Variants in DIAPH2 observed in about 807,000 individuals in gnomAD.
DIAPH2 encodes protein diaphanous homolog 2.
DIAPH2 carries 35 observed loss-of-function variants against 92.7 expected under a neutral mutation model. The ratio of observed to expected loss-of-function variants is 0.38; its 90% CI spans 0.29 to 0.50. The LOEUF is 0.50. DIAPH2 is among the 20% of genes least tolerant of loss of function. The pLI is 0.94. For synonymous variants in DIAPH2, 301 were observed against 280.4 expected, an observed-to-expected ratio of 1.07 and a Z score of -0.73; for missense variants, 701 against 819.5, an observed-to-expected ratio of 0.86 and a Z score of 1.77.
In DIAPH2 at chrX:97,599,459, C is replaced by CA. The variant is rs201053713; in HGVS notation, c.*143dup. The CA allele has an allele frequency of 8.1e-3, 2,858 of 352,832 alleles. 73 individuals carry two copies. The highest frequency in any genetic ancestry group is 0.067 in the African/African-American group (2,547 of 37,813). The allele number at this position is 352,832 out of a possible 1,213,427, so 29.1% of individuals were successfully genotyped here. On this transcript the variant is annotated 3_prime_UTR_variant, in exon 27 of 27. Coordinates refer to ENST00000324765, the MANE Select transcript of DIAPH2 (RefSeq NM_006729.5). ...AAGATAAGCTGGATGAAGTAGTGTG[C>CA]ATTTGTAATACTATTGCAAGACTCC...
intron 23 of DIAPH2, among the ~76,000 whole-genome samples, chrX:97,277,064 C>T (rs767606233): frequency 1.8e-5 from 2 of 112,313 alleles, no homozygotes; most frequent in African/African-American, 3.2e-5. Flanking sequence ...GGGCTGGGAG[C>T]GGTGGCTCAC....
intron 1 of DIAPH2, among the ~76,000 whole-genome samples, chrX:96,712,260 G>T (rs2063922968): frequency 9.0e-6 from 1 of 110,916 alleles, no homozygotes; most frequent in Admixed American, 9.6e-5. Context: ...AAACGTTGTT[G>T]CTCCTTCTTT....
chrX:96,873,334 T>A (rs1344833429), intron 4 of DIAPH2, among the ~76,000 whole-genome samples: 1 of 111,848 alleles, frequency 8.9e-6, no homozygotes, highest in Non-Finnish European at 1.9e-5. Flanking sequence ...GTTATTAATC[T>A]CTTGTCAGAT....
intron 20 of DIAPH2, among the ~76,000 whole-genome samples, chrX:97,108,988 T>C (rs1337108940): frequency 8.9e-6 from 1 of 111,913 alleles, no homozygotes; most frequent in African/African-American, 3.3e-5. Context: ...TTACATCATG[T>C]CAGTTACTAT....
intron 22 of DIAPH2, among the ~76,000 whole-genome samples, chrX:97,142,583 G>T (rs1293008341): frequency 1.8e-5 from 2 of 111,517 alleles, no homozygotes; most frequent in African/African-American, 6.5e-5. Flanking sequence ...TGAGGAACAG[G>T]ATGTTTGAAA....
intron 26 of DIAPH2, among the ~76,000 whole-genome samples, chrX:97,511,107 G>C (rs1307724369): frequency 2.0e-5 from 2 of 99,646 alleles, no homozygotes; most frequent in African/African-American, 7.2e-5. Flanking sequence ...GGGAAGTATG[G>C]CCATTTTCAC....
intron 25 of DIAPH2, among the ~76,000 whole-genome samples, chrX:97,397,632 T>C (rs772020119): frequency 4.5e-5 from 5 of 112,113 alleles, no homozygotes; most frequent in Non-Finnish European, 9.4e-5. Flanking sequence ...TTGTAATCTG[T>C]AAATCATAGT....
At chrX:97,519,357 T>C (rs5967322) in intron 26 of DIAPH2, among the ~76,000 whole-genome samples, 2 of 111,087 alleles carry the variant, frequency 1.8e-5, no homozygotes, top group Middle Eastern at 4.8e-3. Context: ...TCAAAAAAAA[T>C]TCACATTTAT....
chrX:96,945,711 T>C (rs2147807123), intron 14 of DIAPH2, 120 bp downstream of exon 14: 1 of 470,079 alleles, frequency 2.1e-6, no homozygotes, highest in East Asian at 4.4e-5. Flanking sequence ...CTTTATACTT[T>C]TGGGTTCAAA....
chrX:96,848,899 A>T (rs1374927470), intron 4 of DIAPH2, among the ~76,000 whole-genome samples: 1 of 111,920 alleles, frequency 8.9e-6, no homozygotes, highest in Non-Finnish European at 1.9e-5. Flanking sequence ...GATAATGACA[A>T]GAGTGGCGAT....
chrX:97,084,556 T>C (rs1362935556), intron 19 of DIAPH2, among the ~76,000 whole-genome samples: 1 of 111,493 alleles, frequency 9.0e-6, no homozygotes, highest in Non-Finnish European at 1.9e-5. Flanking sequence ...AGATATCAAA[T>C]AGGGACAAAG....
At chrX:96,875,635 C>CA (rs1386545456) in intron 4 of DIAPH2, among the ~76,000 whole-genome samples, 1 of 110,800 alleles carries the variant, frequency 9.0e-6, no homozygotes, top group African/African-American at 3.3e-5. Context: ...GTGTTTCCTG[C>CA]AATGGGAAAT....
chrX:97,386,874 C>A (rs745392588), intron 25 of DIAPH2, among the ~76,000 whole-genome samples: 1 of 106,967 alleles, frequency 9.3e-6, no homozygotes, highest in East Asian at 2.9e-4. Flanking sequence ...ATACACGTGC[C>A]ATGGTAGTTT....
chrX:97,554,852 T>C (rs2071245933), intron 26 of DIAPH2, among the ~76,000 whole-genome samples: 1 of 112,110 alleles, frequency 8.9e-6, no homozygotes, highest in Non-Finnish European at 1.9e-5. Context: ...GCACTTACTA[T>C]AAGTGTGTAC....
rs12014570 is a variant in DIAPH2, at chrX:97,269,220, C to A, written c.2844+21381C>A. 5.1e-4 allele frequency among the ~76,000 whole-genome samples: 57 copies of A among 111,441 alleles called. 1 individual carries two copies. Among genetic ancestry groups the A allele is most frequent in the African/African-American group, 1.7e-3 (51 of 30,660 alleles). On this transcript the variant is annotated intron_variant, in intron 23 of 26. Transcript: ENST00000324765. The stretch of plus-strand genomic sequence containing the variant: ...AGAGAGAGTTCCTATTTTGAGGAGC[C>A]ACAGTGTTGTGGTGAAAAAGGCCCA...
intron 17 of DIAPH2, among the ~76,000 whole-genome samples, chrX:97,062,217 G>A (rs1005510949): frequency 8.9e-6 from 1 of 111,818 alleles, no homozygotes; most frequent in Middle Eastern, 4.2e-3. Flanking sequence ...GGTTGACCAA[G>A]TATTGCCTTC....
chrX:97,506,770 T>C, intron 26 of DIAPH2, among the ~76,000 whole-genome samples: 1 of 111,520 alleles, frequency 9.0e-6, no homozygotes, highest in Middle Eastern at 4.6e-3. Context: ...TGTCCACTTG[T>C]CTCCTTTTCT....
At chrX:97,472,833 A>T (rs1283194959) in intron 26 of DIAPH2, among the ~76,000 whole-genome samples, 1 of 112,199 alleles carries the variant, frequency 8.9e-6, no homozygotes, top group Non-Finnish European at 1.9e-5. Context: ...ATAGTTATCT[A>T]TTGAGTGACT....
At chrX:97,050,305 G>T (rs1264611562) in intron 17 of DIAPH2, among the ~76,000 whole-genome samples, 1 of 110,172 alleles carries the variant, frequency 9.1e-6, no homozygotes, top group Non-Finnish European at 1.9e-5. Context: ...TTTGAACTGG[G>T]TAGTTTTTTT....
Sources: gnomAD v4.1 joint callset for allele counts (sites outside exome capture counted in the v4.1 genomes callset) on GRCh38, gnomAD v4.1.1 for gene constraint, MANE v1.5 for transcripts, NCBI Gene and HGNC (gene_info 2026-07-23, HGNC 2026-07-21) for gene names.